The following ADARB1 variants were observed in gnomAD, a reference collection of about 807,000 sequenced individuals.
ADARB1 encodes adenosine deaminase RNA specific B1, also known as double-stranded RNA-specific editase 1.
Under a neutral mutation model 52.4 loss-of-function variants are expected in ADARB1, and 10 were observed. The observed-to-expected ratio is 0.19, with a 90% confidence interval of 0.12 to 0.32. The LOEUF (loss-of-function observed/expected upper bound fraction) is 0.32, where lower values mean the gene tolerates loss of function less well. Among genes scored for constraint, ADARB1 ranks in the 10% least tolerant of loss-of-function variants. The probability of loss-of-function intolerance (pLI) is 1.00; values close to 1 mark genes in which losing one functional copy is unlikely to be tolerated. For missense variants in ADARB1, 643 were observed against 922.3 expected (o/e 0.70, Z 3.92); for synonymous variants, 349 against 371.1 (o/e 0.94, Z 0.68).
chr21:45,134,284 A>ACAGTGGTGTGTGCGCCCAG (rs1487961611), intron 2 of ADARB1, among the ~76,000 whole-genome samples: 17 of 75,542 alleles, frequency 2.3e-4, no homozygotes, highest in Admixed American at 4.6e-4. Flanking sequence ...TGTGCACCCG[A>ACAGTGGTGTGTGCGCCCAG]CGGGGGTGTG....
intron 2 of ADARB1, among the ~76,000 whole-genome samples, chr21:45,138,985 A>G (rs951882207): frequency 5.9e-5 from 9 of 151,762 alleles, no homozygotes; most frequent in South Asian, 2.1e-4. Flanking sequence ...CAGTGGCACA[A>G]TCTTGGCTCA....
At chr21:45,179,689 G>T (rs145414729) in intron 4 of ADARB1, among the ~76,000 whole-genome samples, 1 of 152,106 alleles carries the variant, frequency 6.6e-6, no homozygotes, top group Non-Finnish European at 1.5e-5. Context: ...CTATCGTACC[G>T]TCTGGGCGAG....
In ADARB1 at chr21:45,074,598, T is replaced by TGGCGGCGGTGGC. The variant is rs1555882577; in HGVS notation, c.-407_-406insTGGCGGCGGCGG. 6.9e-6 allele frequency: 1 copy of TGGCGGCGGTGGC among 145,044 alleles called. No homozygotes were observed. Among genetic ancestry groups the TGGCGGCGGTGGC allele is most frequent in the African/African-American group, 2.5e-5 (1 of 39,908 alleles). 9.0% of individuals were successfully genotyped at this position (145,044 alleles called of 1,614,324 possible). ...CGGGGCTGAGGCGCTGAGGCGGCCG[T>TGGCGGCGGTGGC]GGCGGCGGCGGCGGCGGCGGCGGCA... On this transcript the variant is annotated 5_prime_UTR_variant, in exon 1 of 11. Transcript: ENST00000348831.
chr21:45,166,059 C>T (rs2091242500), intron 2 of ADARB1, among the ~76,000 whole-genome samples: 2 of 152,078 alleles, frequency 1.3e-5, no homozygotes, highest in Non-Finnish European at 1.5e-5. Context: ...ACAATAGAAA[C>T]TATTCAAGTT....
At chr21:45,118,177 G>A (rs1009589289) in intron 1 of ADARB1, among the ~76,000 whole-genome samples, 3 of 152,182 alleles carry the variant, frequency 2.0e-5, no homozygotes, top group African/African-American at 4.8e-5. Context: ...CCAATAAAAG[G>A]AGAATATTCA....
rs1262001152 is a variant in ADARB1, at chr21:45,200,729, G to C, written c.1566-3826G>C. The stretch of plus-strand genomic sequence containing the variant: ...CCTGGGTTGAAAGCAGGAAGGAATG[G>C]GCGTGGGGCAACCACTAGGAAGCTG... On this transcript the variant is annotated intron_variant, in intron 8 of 10. Transcript: ENST00000348831. This position sits in a 1 kb window ranked among gnomAD's most constrained non-coding sequence, Gnocchi z 5.0. 2.6e-5 allele frequency among the ~76,000 whole-genome samples: 4 copies of C among 152,148 alleles called. No individual in the cohort carries two copies. Among genetic ancestry groups the C allele is most frequent in the African/African-American group, 9.7e-5 (4 of 41,408 alleles).
chr21:45,099,117 T>C (rs1337316091), intron 1 of ADARB1, among the ~76,000 whole-genome samples: 4 of 152,198 alleles, frequency 2.6e-5, no homozygotes, highest in Non-Finnish European at 4.4e-5. Flanking sequence ...AATTTAGCCG[T>C]GGATCATAGC....
intron 2 of ADARB1, among the ~76,000 whole-genome samples, chr21:45,139,126 G>A (rs1291077480): frequency 6.6e-6 from 1 of 151,992 alleles, no homozygotes; most frequent in East Asian, 1.9e-4. Flanking sequence ...TTGCTGTGTT[G>A]CCCAGGCTGG....
intron 1 of ADARB1, among the ~76,000 whole-genome samples, chr21:45,124,022 G>GT (rs1334571048): frequency 1.3e-5 from 2 of 152,212 alleles, no homozygotes; most frequent in African/African-American, 4.8e-5. Flanking sequence ...GGAGTCATCA[G>GT]TATATTCTTT....
rs553645427 is a variant in ADARB1 at position 45,223,885 on chromosome 21, C to T, written c.*1688C>T. 24 of 985,500 alleles carry T rather than the reference C, an allele frequency of 2.4e-5. No individual in the cohort carries two copies. Among genetic ancestry groups the T allele is most frequent in the African/African-American group, 8.7e-5 (5 of 57,306 alleles). 61.0% of individuals were successfully genotyped at this position (985,500 alleles called of 1,614,324 possible). A position where few individuals can be genotyped will look rare whatever the true frequency, so the allele number is the denominator to read the frequency against. On this transcript the variant is annotated 3_prime_UTR_variant, in exon 11 of 11. Transcript: ENST00000348831. ...TAGGGCTCATTGTTGGGGACATGAC[C>T]GGGTTCAGCGGCTAGAACATCTGCC...
rs1332562805 is a variant in ADARB1 at position 45,222,911 on chromosome 21, G to T, written c.*714G>T. On this transcript the variant is annotated 3_prime_UTR_variant, in exon 11 of 11. Coordinates refer to ENST00000348831, the MANE Select transcript of ADARB1 (RefSeq NM_001112.4). ...CAGAGGCGTGACCCAGGCCCCTGTA[G>T]CCCTCAGCCTCCTCTAGAAGCTTCT... The T allele has an allele frequency of 6.1e-6, 6 of 985,384 alleles. No individual in the cohort carries two copies. The African/African-American group carries it at 1.0e-4, about 17-fold the overall frequency. 61.0% of individuals were successfully genotyped at this position (985,384 alleles called of 1,614,324 possible).
At chr21:45,106,492 T>C (rs1004099315) in intron 1 of ADARB1, among the ~76,000 whole-genome samples, 1 of 152,214 alleles carries the variant, frequency 6.6e-6, no homozygotes, top group Non-Finnish European at 1.5e-5. Context: ...AGTCTGTGCT[T>C]GGAAACCCAC....
chr21:45,183,426 G>A lies in ADARB1; in HGVS notation c.1312G>A (p.Glu438Lys). The A allele has an allele frequency of 6.2e-7, 1 of 1,612,484 alleles. No individual in the cohort carries two copies. The highest frequency in any genetic ancestry group is 2.2e-5 in the East Asian group (1 of 44,800). ...KSERGGFRLK[E>K]NVQFHLYIST... Reference sequence around the variant, plus strand: ...AGAGCGAGGGGGGTTTAGGCTGAAGGAGAATGTCCAGTTTCATCTGTACAT... The same window carrying A: ...AGAGCGAGGGGGGTTTAGGCTGAAGAAGAATGTCCAGTTTCATCTGTACAT... The change falls in exon 7 of 11, where the codon GAG becomes AAG. Residue 438 changes from glutamate (E) to lysine (K), a missense_variant. This residue lies in a region of ADARB1 where 263 missense variants were observed against 475.8 expected (regional missense o/e 0.55). Coordinates refer to ENST00000348831, the MANE Select transcript of ADARB1 (RefSeq NM_001112.4).
chr21:45,125,510 A>G (rs571747474), intron 1 of ADARB1, among the ~76,000 whole-genome samples: 145 of 152,360 alleles, frequency 9.5e-4, no homozygotes, highest in African/African-American at 3.4e-3. Flanking sequence ...AGGAGGTGGA[A>G]TCTGGCTTCC....
chr21:45,191,880 A>AT (rs777269104), intron 8 of ADARB1, among the ~76,000 whole-genome samples: 57 of 15,670 alleles, frequency 3.6e-3, no homozygotes, highest in Non-Finnish European at 5.3e-3. Context: ...ATATATATAT[A>AT]TTTTTTTTTT....
chr21:45,211,889 C>T (rs1184016572), intron 9 of ADARB1, among the ~76,000 whole-genome samples: 21 of 152,118 alleles, frequency 1.4e-4, no homozygotes, highest in East Asian at 1.9e-4. Flanking sequence ...GACTCGTAGA[C>T]GTATGCGCTT....
rs533314993 is a variant in ADARB1 at position 45,121,600 on chromosome 21, C to T, written c.-219-6802C>T. Among the ~76,000 whole-genome samples the T allele has an allele frequency of 3.9e-5, 6 of 152,292 alleles. No individual in the cohort carries two copies. The East Asian group carries it at 5.8e-4, about 15-fold the overall frequency. Reference sequence around the variant, plus strand: ...CATGCTTTTGGTACTTTCTGTCTCTCGTGTGTCTCTGCACTGCTTTCTGGG... The same window carrying T: ...CATGCTTTTGGTACTTTCTGTCTCTTGTGTGTCTCTGCACTGCTTTCTGGG... On this transcript the variant is annotated intron_variant, in intron 1 of 10. Coordinates refer to ENST00000348831, the MANE Select transcript of ADARB1 (RefSeq NM_001112.4).
At chr21:45,191,859 T>TAC in intron 8 of ADARB1, among the ~76,000 whole-genome samples, 1 of 23,128 alleles carries the variant, frequency 4.3e-5, no homozygotes, top group Admixed American at 3.4e-4. Context: ...CATATATATA[T>TAC]ATATATATAT....
chr21:45,080,545 A>G (rs2086113139), intron 1 of ADARB1, among the ~76,000 whole-genome samples: 2 of 152,264 alleles, frequency 1.3e-5, no homozygotes, highest in African/African-American at 2.4e-5. Flanking sequence ...TTTTGTCCTC[A>G]GTCCTAAAAA....
Sources: gnomAD v4.1 joint callset for allele counts (sites outside exome capture counted in the v4.1 genomes callset) on GRCh38, gnomAD v4.1.1 for gene constraint, gnomAD v4.1.1 regional missense constraint, Gnocchi (gnomAD v3.1) non-coding constraint, MANE v1.5 for transcripts, NCBI Gene and HGNC (gene_info 2026-07-23, HGNC 2026-07-21) for gene names.